Variants in SSH2 observed in about 807,000 individuals in gnomAD.
SSH2 encodes protein phosphatase Slingshot homolog 2.
Under a neutral mutation model 135.2 loss-of-function variants are expected in SSH2, and 37 were observed. The ratio of observed to expected loss-of-function variants is 0.27; its 90% CI spans 0.21 to 0.36. SSH2 has a LOEUF of 0.36. Ranked by LOEUF, SSH2 falls within the 10% of genes least tolerant of loss-of-function variation. The pLI, the probability that SSH2 is intolerant of heterozygous loss-of-function variation, is 1.00. For synonymous variants in SSH2, 628 were observed against 646.2 expected (o/e 0.97, Z 0.43); for missense variants, 1,408 against 1,765.3 (o/e 0.80, Z 3.63).
intron 1 of SSH2, chr17:29,929,329 G>T (rs1252266018): frequency 6.4e-6 from 1 of 155,378 alleles, no homozygotes. Context: ...ATAAAGGAAA[G>T]GTAAGAGGTC....
chr17:29,663,563 T>G (rs1053178651), intron 11 of SSH2, among the ~76,000 whole-genome samples: 2 of 152,202 alleles, frequency 1.3e-5, no homozygotes, highest in Non-Finnish European at 2.9e-5. Flanking sequence ...TTTTGAAGTT[T>G]TTTTTCCCCC....
At chr17:29,795,300 A>C (rs1473604409) in intron 2 of SSH2, among the ~76,000 whole-genome samples, 2 of 152,260 alleles carry the variant, frequency 1.3e-5, no homozygotes, top group African/African-American at 4.8e-5. Flanking sequence ...GAGAAAAAAC[A>C]ATAACTACTA....
chr17:29,889,548 A>G (rs1168779915), intron 1 of SSH2, among the ~76,000 whole-genome samples: 2 of 152,106 alleles, frequency 1.3e-5, no homozygotes, highest in South Asian at 2.1e-4. Context: ...CACCAAAAGC[A>G]TGAACAACAA....
At chr17:29,763,552 C>G (rs1158270067) in intron 3 of SSH2, among the ~76,000 whole-genome samples, 1 of 149,898 alleles carries the variant, frequency 6.7e-6, no homozygotes, top group East Asian at 1.9e-4. Context: ...GAGTCCAGTT[C>G]CTTTCATGAC....
rs2035582669 is a variant in SSH2 at position 29,629,226 on chromosome 17, A to C, written c.*1615T>G. ...ACAGTAGCAAAACGACAGCATCCTA[A>C]ATGGAGTCACTGTGGGCACTTGCCC... On this transcript the variant is annotated 3_prime_UTR_variant, in exon 16 of 16. Coordinates refer to ENST00000540801, the MANE Select transcript of SSH2 (RefSeq NM_001282129.2). 6.6e-6 allele frequency: 1 copy of C among 152,628 alleles called. No homozygotes were observed. The highest frequency in any genetic ancestry group is 6.5e-5 in the Admixed American group (1 of 15,286). 9.5% of individuals were successfully genotyped at this position (152,628 alleles called of 1,614,324 possible).
rs1298369380 is a variant in SSH2 at position 29,666,744 on chromosome 17, T to C, written c.1032+123A>G. The C allele has an allele frequency of 2.3e-5, 21 of 894,068 alleles. No homozygotes were observed. In the East Asian group the frequency reaches 4.8e-4, roughly 21 times the overall value. The allele number at this position is 894,068 out of a possible 1,614,324, so 55.4% of individuals were successfully genotyped here. A position where few individuals can be genotyped will look rare whatever the true frequency, so the allele number is the denominator to read the frequency against. Reference sequence around the variant, plus strand: ...GGAAGTGATGAGGTTTGAGTACTTATCACTTTTGTCTTTAAAGTAAGTTAC... The same window carrying C: ...GGAAGTGATGAGGTTTGAGTACTTACCACTTTTGTCTTTAAAGTAAGTTAC... On this transcript the variant is annotated intron_variant, in intron 11 of 15. Coordinates refer to ENST00000540801, the MANE Select transcript of SSH2 (RefSeq NM_001282129.2).
chr17:29,672,170 G>T (rs769947362), intron 8 of SSH2, 41 bp from the exon 9 acceptor site: 3 of 1,528,934 alleles, frequency 2.0e-6, no homozygotes, highest in East Asian at 2.3e-5. Flanking sequence ...AGAACTGTGG[G>T]GTGCCAAAGG....
At chr17:29,679,264 A>G (rs981320653) in intron 6 of SSH2, among the ~76,000 whole-genome samples, 40 of 152,302 alleles carry the variant, frequency 2.6e-4, no homozygotes, top group African/African-American at 9.6e-4. Flanking sequence ...AGCATGGTGT[A>G]CTAGAAAGAA....
intron 8 of SSH2, 114 bp from the exon 9 acceptor site, chr17:29,672,243 C>CA: frequency 7.1e-6 from 5 of 699,770 alleles, no homozygotes; most frequent in Non-Finnish European, 1.2e-5. Flanking sequence ...GTCCTCTGGA[C>CA]AATCTACTCC....
In SSH2 at chr17:29,667,994, C is replaced by G. The variant is rs191223858; in HGVS notation, c.810-771G>C. ...GGTAGTGGTTCAATGTAACTGGATA[C>G]TCCTCCTCTAAAGCATTATTTCAGA... On this transcript the variant is annotated intron_variant, in intron 9 of 15. Transcript: ENST00000540801. Among the ~76,000 whole-genome samples the G allele has an allele frequency of 4.6e-5, 7 of 152,302 alleles. No individual in the cohort carries two copies. In the East Asian group the frequency reaches 1.4e-3, roughly 29 times the overall value.
intron 1 of SSH2, among the ~76,000 whole-genome samples, chr17:29,917,963 T>C (rs1333043481): frequency 6.6e-6 from 1 of 151,928 alleles, no homozygotes; most frequent in African/African-American, 2.4e-5. Flanking sequence ...GAGGACTGCT[T>C]GAGCCCATGA....
At chr17:29,695,839 C>G (rs950724805) in intron 4 of SSH2, among the ~76,000 whole-genome samples, 3 of 151,992 alleles carry the variant, frequency 2.0e-5, no homozygotes, top group African/African-American at 4.8e-5. Context: ...ATCTGTTAGG[C>G]AGAGGTAGCA....
chr17:29,805,362 A>G (rs918693860), intron 2 of SSH2, among the ~76,000 whole-genome samples: 2 of 151,766 alleles, frequency 1.3e-5, no homozygotes, highest in African/African-American at 4.8e-5. Context: ...TCACCATGTT[A>G]GCCAGGATGG....
chr17:29,814,936 G>A (rs1465780718), intron 2 of SSH2, among the ~76,000 whole-genome samples: 3 of 147,118 alleles, frequency 2.0e-5, no homozygotes, highest in Non-Finnish European at 3.0e-5. Context: ...ATAAATTACT[G>A]TTCCTTTTCT....
chr17:29,879,217 G>A (rs1360327872), intron 1 of SSH2, among the ~76,000 whole-genome samples: 4 of 152,066 alleles, frequency 2.6e-5, no homozygotes, highest in South Asian at 2.1e-4. Context: ...TATAGTTTAA[G>A]TATTATCATT....
intron 15 of SSH2, among the ~76,000 whole-genome samples, chr17:29,634,592 T>C (rs2035817970): frequency 6.6e-6 from 1 of 152,192 alleles, no homozygotes; most frequent in Admixed American, 6.5e-5. Context: ...CTCGCTCTGT[T>C]GCCAGGCTGG....
chr17:29,789,094 A>G (rs1270620185), intron 3 of SSH2, among the ~76,000 whole-genome samples: 1 of 152,234 alleles, frequency 6.6e-6, no homozygotes, highest in East Asian at 1.9e-4. Context: ...TGTGGAAGGT[A>G]GAACTTGCAA....
In SSH2 at chr17:29,675,610, A is replaced by G. The variant is rs570677385; in HGVS notation, c.614+1210T>C. On this transcript the variant is annotated intron_variant, in intron 8 of 15. Coordinates refer to ENST00000540801, the MANE Select transcript of SSH2 (RefSeq NM_001282129.2). ...GGAGTTCAAGACCAGCCTGGGCAAC[A>G]CAGAGAGACCCCCGTCTCCACAAAA... is the stretch of plus-strand genomic sequence containing the variant. Among the ~76,000 whole-genome samples, 4 of 152,208 alleles carry G rather than the reference A, an allele frequency of 2.6e-5. No homozygotes were observed. In the South Asian group the frequency reaches 8.3e-4, roughly 32 times the overall value.
chr17:29,878,790 T>C (rs892565439), intron 1 of SSH2, among the ~76,000 whole-genome samples: 2 of 152,200 alleles, frequency 1.3e-5, no homozygotes, highest in Admixed American at 6.5e-5. Context: ...GTTATGATTG[T>C]AATAAGCAAA....
Sources: allele counts gnomAD v4.1 joint callset (sites outside exome capture counted in the v4.1 genomes callset), GRCh38; gene constraint gnomAD v4.1.1; transcripts MANE v1.5; gene names NCBI Gene and HGNC (gene_info 2026-07-23, HGNC 2026-07-21).